The following UTRN variants were observed in gnomAD, a reference collection of about 807,000 sequenced individuals.
UTRN encodes dystrophin-related protein 1.
In UTRN, 283 loss-of-function variants were observed where a neutral mutation model predicts 463.9. The ratio of observed to expected loss-of-function variants is 0.61; its 90% CI spans 0.55 to 0.67. The LOEUF is 0.67. Ranked by LOEUF, UTRN falls within the 30% of genes least tolerant of loss-of-function variation. The pLI, the probability that UTRN is intolerant of heterozygous loss-of-function variation, is 0.00. For missense variants in UTRN, 3,922 were observed against 4,084.3 expected, an observed-to-expected ratio of 0.96 and a Z score of 1.08; for synonymous variants, 1,442 against 1,431.5, an observed-to-expected ratio of 1.01 and a Z score of -0.17.
chr6:144,455,905 G>GAACTTT (rs1788765766), intron 19 of UTRN, among the ~76,000 whole-genome samples: 1 of 152,190 alleles, frequency 6.6e-6, no homozygotes, highest in Admixed American at 6.5e-5. Flanking sequence ...TCACATGAAA[G>GAACTTT]TGCTACTTGC....
intron 56 of UTRN, 118 bp downstream of exon 56, chr6:144,752,070 A>G: frequency 9.5e-7 from 1 of 1,054,036 alleles, no homozygotes; most frequent in South Asian, 3.0e-5. Flanking sequence ...TTGATAATGA[A>G]TTTAGCATGT....
At chr6:144,362,278 T>C (rs1415316613) in intron 2 of UTRN, among the ~76,000 whole-genome samples, 1 of 152,114 alleles carries the variant, frequency 6.6e-6, no homozygotes, top group African/African-American at 2.4e-5. Context: ...TGCCCGCCCA[T>C]CCGGTGGCAC....
Position 144,479,888 on chromosome 6 carries a change from A to G in UTRN, c.3413A>G (p.Gln1138Arg). The G allele has an allele frequency of 6.2e-7, 1 of 1,614,234 alleles. No homozygotes were observed. Among genetic ancestry groups the G allele is most frequent in the Admixed American group, 1.7e-5 (1 of 60,024 alleles). The change falls in exon 26 of 75, where the codon CAG becomes CGG. Residue 1138 changes from glutamine to arginine, a missense_variant. Gln to Arg is a conservative substitution (Grantham distance 43). Transcript: ENST00000367545. ...CTGAAGAAAGACTTGGCAGAGATGC[A>G]GGAATGGATGACCCAGGCCGAGGAA... ...ANLKKDLAEM[Q>R]EWMTQAEEEY...
chr6:144,489,122 T>A (rs1183338577), intron 30 of UTRN, among the ~76,000 whole-genome samples: 1 of 152,094 alleles, frequency 6.6e-6, no homozygotes, highest in Non-Finnish European at 1.5e-5. Context: ...CGATCTTGGC[T>A]CACTGCAACC....
At chr6:144,517,014 TGATGCTGCATCACA>T (rs1795674584) in intron 39 of UTRN, 66 bp downstream of exon 39, 6 of 1,318,648 alleles carry the variant, frequency 4.6e-6, no homozygotes, top group African/African-American at 1.5e-5. Flanking sequence ...TTCAGATGTG[TGATGCTGCATCACA>T]GATGCTTTAA....
chr6:144,736,451 T>A (rs1586298633), intron 54 of UTRN, among the ~76,000 whole-genome samples: 1 of 152,208 alleles, frequency 6.6e-6, no homozygotes, highest in South Asian at 2.1e-4. Flanking sequence ...CAATGCCTTT[T>A]TTTCTTCCAG....
At chr6:144,549,748 A>G (rs1040428521) in intron 47 of UTRN, among the ~76,000 whole-genome samples, 3 of 152,190 alleles carry the variant, frequency 2.0e-5, no homozygotes, top group Admixed American at 6.5e-5. Flanking sequence ...TAGGGAACAG[A>G]GTGAATAAAG....
intron 51 of UTRN, among the ~76,000 whole-genome samples, chr6:144,675,312 C>T (rs567745050): frequency 6.6e-6 from 1 of 152,300 alleles, no homozygotes; most frequent in South Asian, 2.1e-4. Flanking sequence ...GTGATCTGTC[C>T]TCAGGTCTCC....
At chr6:144,636,438 A>T (rs1562687608) in intron 51 of UTRN, among the ~76,000 whole-genome samples, 1 of 152,132 alleles carries the variant, frequency 6.6e-6, no homozygotes, top group African/African-American at 2.4e-5. Flanking sequence ...AATACCTACT[A>T]ATGTAGATGA....
At chr6:144,659,822 T>C (rs1382270183) in intron 51 of UTRN, 1 of 152,640 alleles carries the variant, frequency 6.6e-6, no homozygotes, top group Non-Finnish European at 1.5e-5. Context: ...GCTTCTTTTT[T>C]TGCTGTATGT....
chr6:144,433,273 C>T lies in UTRN; in HGVS notation c.856-2662C>T, dbSNP rs1266698270. Reference sequence around the variant, plus strand: ...CCCAGTAGGGGCGGCCAGGCAGAGGCGCCCCTCACCTCCCGGACGGGGCGG... The same window carrying T: ...CCCAGTAGGGGCGGCCAGGCAGAGGTGCCCCTCACCTCCCGGACGGGGCGG... On this transcript the variant is annotated intron_variant, in intron 9 of 74. Coordinates refer to ENST00000367545, the MANE Select transcript of UTRN (RefSeq NM_007124.3). Among the ~76,000 whole-genome samples the T allele has an allele frequency of 6.7e-4, 99 of 148,190 alleles. 1 individual carries two copies. The South Asian group carries it at 0.018, about 27-fold the overall frequency.
intron 53 of UTRN, among the ~76,000 whole-genome samples, chr6:144,701,851 G>T (rs1302777442): frequency 6.6e-6 from 1 of 152,036 alleles, no homozygotes. Context: ...CCATTTGGGT[G>T]TATTTTTTTT....
chr6:144,563,955 G>C (rs959728466), intron 50 of UTRN, among the ~76,000 whole-genome samples: 4 of 152,080 alleles, frequency 2.6e-5, no homozygotes, highest in African/African-American at 7.2e-5. Flanking sequence ...ACAAACTAAA[G>C]AGCCAATGCC....
intron 50 of UTRN, among the ~76,000 whole-genome samples, chr6:144,574,437 C>G (rs1361022800): frequency 6.6e-6 from 1 of 152,142 alleles, no homozygotes; most frequent in Non-Finnish European, 1.5e-5. Flanking sequence ...GAATAGTATT[C>G]CATTGTATCC....
chr6:144,309,399 C>T lies in UTRN; in HGVS notation c.79+17492C>T, dbSNP rs550459204. On this transcript the variant is annotated intron_variant, in intron 2 of 74. Transcript: ENST00000367545. ...ATGTTCAGATCTGAAAATCTGAACTCCTGATCTCCCGTAAACCCCAAAGCT... is the reference window on the plus strand; with the variant it reads ...ATGTTCAGATCTGAAAATCTGAACTTCTGATCTCCCGTAAACCCCAAAGCT... Among the ~76,000 whole-genome samples the T allele has an allele frequency of 1.8e-3, 277 of 152,316 alleles. 1 individual carries two copies. Among genetic ancestry groups the T allele is most frequent in the African/African-American group, 6.6e-3 (273 of 41,550 alleles).
chr6:144,698,710 G>A (rs1330162753), intron 52 of UTRN, among the ~76,000 whole-genome samples: 1 of 152,222 alleles, frequency 6.6e-6, no homozygotes, highest in African/African-American at 2.4e-5. Flanking sequence ...GCTTTCACCA[G>A]GGCCCTAACA....
At chr6:144,599,971 C>G (rs765298343) in intron 51 of UTRN, among the ~76,000 whole-genome samples, 1 of 152,064 alleles carries the variant, frequency 6.6e-6, no homozygotes. Flanking sequence ...ATATTTCGAA[C>G]TTTTTCATTA....
intron 18 of UTRN, among the ~76,000 whole-genome samples, chr6:144,452,542 A>T (rs528142350): frequency 2.9e-4 from 44 of 152,214 alleles, no homozygotes; most frequent in Non-Finnish European, 5.9e-4. Flanking sequence ...TGTATACATG[A>T]TTTTACTTGC....
rs969641764 is a variant in UTRN, at chr6:144,473,627, A to G, written c.3067-93A>G. 3.7e-5 allele frequency: 32 copies of G among 866,654 alleles called. No homozygotes were observed. The Admixed American group carries it at 8.0e-4, about 22-fold the overall frequency. The allele number at this position is 866,654 out of a possible 1,614,324, so 53.7% of individuals were successfully genotyped here. A position where few individuals can be genotyped will look rare whatever the true frequency, so the allele number is the denominator to read the frequency against. On this transcript the variant is annotated intron_variant, in intron 23 of 74. Transcript: ENST00000367545. ...TGAAAGCGATGCTATCGGAGCTTTA[A>G]AAAGTTCCTTTGTTCCAGTGGCGGT...
Sources: allele counts gnomAD v4.1 joint callset (sites outside exome capture counted in the v4.1 genomes callset), GRCh38; gene constraint gnomAD v4.1.1; transcripts MANE v1.5; gene names NCBI Gene and HGNC (gene_info 2026-07-23, HGNC 2026-07-21).